RBFOX1: variants seen among roughly 807,000 people sequenced by gnomAD.
The protein encoded by RBFOX1 is RNA binding protein fox-1 homolog 1.
A neutral mutation model predicts 57.7 loss-of-function variants in RBFOX1; 8 were observed. That is an observed-to-expected ratio of 0.14 (90% CI 0.08 to 0.25). RBFOX1 has a LOEUF of 0.25. Ranked by LOEUF, RBFOX1 falls within the 10% of genes least tolerant of loss-of-function variation. The probability of loss-of-function intolerance (pLI) is 1.00; values close to 1 mark genes in which losing one functional copy is unlikely to be tolerated. For missense variants in RBFOX1, 611 were observed against 548.5 expected, an observed-to-expected ratio of 1.11 and a Z score of -1.14; for synonymous variants, 326 against 222.4, an observed-to-expected ratio of 1.47 and a Z score of -4.15.
intron 3 of RBFOX1, among the ~76,000 whole-genome samples, chr16:6,839,489 C>G (rs1243695742): frequency 6.6e-6 from 1 of 152,144 alleles, no homozygotes; most frequent in Non-Finnish European, 1.5e-5. Flanking sequence ...AAATAGGTTT[C>G]TTTTATTATG....
chr16:6,382,507 G>T (rs568432269), intron 2 of RBFOX1, among the ~76,000 whole-genome samples: 1 of 152,118 alleles, frequency 6.6e-6, no homozygotes, highest in East Asian at 1.9e-4. Flanking sequence ...GCAGCTCTTT[G>T]GGCCTCAGCT....
At chr16:6,825,000 T>G (rs895114200) in intron 3 of RBFOX1, among the ~76,000 whole-genome samples, 5 of 116,536 alleles carry the variant, frequency 4.3e-5, no homozygotes, top group African/African-American at 1.7e-4. Flanking sequence ...TTTTTTTTTT[T>G]TTTTTTTTTT....
chr16:6,868,815 T>A (rs1321437642), intron 3 of RBFOX1, among the ~76,000 whole-genome samples: 3 of 152,174 alleles, frequency 2.0e-5, no homozygotes, highest in African/African-American at 7.2e-5. Context: ...TTTTTGCTCC[T>A]CGAAAGATGG....
chr16:6,185,388 T>A (rs1381572782), intron 1 of RBFOX1, among the ~76,000 whole-genome samples: 2 of 152,188 alleles, frequency 1.3e-5, no homozygotes, highest in Non-Finnish European at 2.9e-5. Context: ...TTTCAAGGCG[T>A]TCAATACCGA....
At chr16:5,247,272 CTG>C (rs1264541001) in intron 1 of RBFOX1, among the ~76,000 whole-genome samples, 1 of 152,206 alleles carries the variant, frequency 6.6e-6, no homozygotes, top group Non-Finnish European at 1.5e-5. Flanking sequence ...GTCTTGCAAA[CTG>C]TGGTTTGTGG....
At chr16:6,991,121 A>G (rs975173556) in intron 3 of RBFOX1, among the ~76,000 whole-genome samples, 1 of 142,782 alleles carries the variant, frequency 7.0e-6, no homozygotes, top group Non-Finnish European at 1.5e-5. Flanking sequence ...AGGCAACGTA[A>G]TAAAATTGTC....
rs111852996 is a variant in RBFOX1 at position 7,458,473 on chromosome 16, C to G, written c.28-59674C>G. ...CAAGTAGACAGAAAATGAGCCATGC[C>G]TCTCTAGCTGCTGTTTTTTAAAATT... On this transcript the variant is annotated intron_variant, in intron 4 of 15. Coordinates refer to ENST00000550418, the MANE Select transcript of RBFOX1 (RefSeq NM_018723.4). Among the ~76,000 whole-genome samples the G allele has an allele frequency of 3.0e-3, 450 of 152,208 alleles. 1 individual carries two copies. Among genetic ancestry groups the G allele is most frequent in the Non-Finnish European group, 4.5e-3 (308 of 68,002 alleles).
chr16:5,974,102 G>A (rs2060014463), intron 4 of RBFOX1, among the ~76,000 whole-genome samples: 1 of 152,178 alleles, frequency 6.6e-6, no homozygotes, highest in Non-Finnish European at 1.5e-5. Flanking sequence ...AGAGTGCTCA[G>A]CCCAGTGAGA....
At chr16:5,875,180 C>G (rs1378099821) in intron 4 of RBFOX1, among the ~76,000 whole-genome samples, 2 of 152,056 alleles carry the variant, frequency 1.3e-5, no homozygotes, top group Non-Finnish European at 2.9e-5. Flanking sequence ...GAACGGAGTC[C>G]CAAGCACTGC....
At chr16:6,450,777 A>ATACACATACATATATATATG in intron 2 of RBFOX1, among the ~76,000 whole-genome samples, 1 of 39,532 alleles carries the variant, frequency 2.5e-5, no homozygotes, top group East Asian at 5.2e-4. Flanking sequence ...GTATATATAT[A>ATACACATACATATATATATG]TATATATATA....
intron 1 of RBFOX1, among the ~76,000 whole-genome samples, chr16:5,420,839 G>A (rs927057114): frequency 1.3e-5 from 2 of 148,484 alleles, no homozygotes; most frequent in African/African-American, 5.0e-5. Context: ...CCCAGCCATC[G>A]TCTACCACCA....
At chr16:7,185,373 C>A (rs1458459429) in intron 4 of RBFOX1, among the ~76,000 whole-genome samples, 1 of 152,100 alleles carries the variant, frequency 6.6e-6, no homozygotes, top group African/African-American at 2.4e-5. Flanking sequence ...TTCTGACAGG[C>A]AATTTCCTTA....
intron 3 of RBFOX1, among the ~76,000 whole-genome samples, chr16:6,980,260 G>T (rs191421917): frequency 6.6e-6 from 1 of 152,160 alleles, no homozygotes. Flanking sequence ...CAAATGTGCT[G>T]TGTCAGGTGT....
At chr16:7,329,625 A>C (rs1455847744) in intron 4 of RBFOX1, among the ~76,000 whole-genome samples, 1 of 152,254 alleles carries the variant, frequency 6.6e-6, no homozygotes, top group Non-Finnish European at 1.5e-5. Context: ...TACAACTTCA[A>C]AAACATAAGT....
At chr16:7,514,175 A>C (rs940384063) in intron 4 of RBFOX1, among the ~76,000 whole-genome samples, 1 of 152,072 alleles carries the variant, frequency 6.6e-6, no homozygotes. Flanking sequence ...CAGCTATCCA[A>C]CTCTGCCTTT....
chr16:7,541,629 A>C (rs1332855208), intron 5 of RBFOX1, among the ~76,000 whole-genome samples: 1 of 152,042 alleles, frequency 6.6e-6, no homozygotes, highest in East Asian at 1.9e-4. Flanking sequence ...TCTTTCATCT[A>C]TTTCTGAAAT....
chr16:6,988,707 G>A (rs982227367), intron 3 of RBFOX1, among the ~76,000 whole-genome samples: 7 of 149,666 alleles, frequency 4.7e-5, no homozygotes, highest in African/African-American at 1.8e-4. Context: ...TGGGATTACA[G>A]GTGTGTGACA....
At chr16:5,545,248 G>C (rs1471889686) in intron 2 of RBFOX1, among the ~76,000 whole-genome samples, 3 of 152,018 alleles carry the variant, frequency 2.0e-5, no homozygotes, top group Non-Finnish European at 4.4e-5. Flanking sequence ...AAAGTGCTGG[G>C]ATTACAGCTG....
intron 3 of RBFOX1, among the ~76,000 whole-genome samples, chr16:5,784,628 C>G (rs1488799725): frequency 2.6e-5 from 4 of 152,300 alleles, no homozygotes; most frequent in Non-Finnish European, 1.5e-5. Context: ...GGCCCCACCT[C>G]CAGCCCTGTT....
Sources: gnomAD v4.1 joint callset for allele counts (sites outside exome capture counted in the v4.1 genomes callset) on GRCh38, gnomAD v4.1.1 for gene constraint, MANE v1.5 for transcripts, NCBI Gene and HGNC (gene_info 2026-07-23, HGNC 2026-07-21) for gene names.